The following PKD2 variants were observed in gnomAD, a reference collection of about 807,000 sequenced individuals.
PKD2 encodes polycystin-2.
PKD2 carries 48 observed loss-of-function variants against 105.9 expected under a neutral mutation model. That is an observed-to-expected ratio of 0.45 (90% CI 0.36 to 0.58). The LOEUF is 0.58. Among genes scored for constraint, PKD2 ranks in the 20% least tolerant of loss-of-function variants. The pLI is 0.00. For synonymous variants in PKD2, 464 were observed against 481.1 expected, an observed-to-expected ratio of 0.96 and a Z score of 0.46; for missense variants, 1,078 against 1,255.3, an observed-to-expected ratio of 0.86 and a Z score of 2.13.
chr4:88,061,979 T>C lies in PKD2; in HGVS notation c.2093T>C (p.Met698Thr), dbSNP rs1180777504. ...GACTTGGCACAGCAGAAAGCTGAAATGGAACTCTCAGATCTTATCAGAAAG... is the reference window on the plus strand; with the variant it reads ...GACTTGGCACAGCAGAAAGCTGAAACGGAACTCTCAGATCTTATCAGAAAG... ...KSDLAQQKAEMELSDLIRKGY... is the reference protein window; with the variant it reads ...KSDLAQQKAETELSDLIRKGY... Residue 698 changes from methionine to threonine, a missense_variant, in exon 10 of 15, where the codon ATG (methionine) becomes ACG (threonine). By Grantham distance (81) the Met-to-Thr change is moderately conservative. This residue lies in a region of PKD2 where 868 missense variants were observed against 1,067.3 expected (regional missense o/e 0.81). Transcript: ENST00000237596. 1 of 1,554,548 alleles carries C rather than the reference T, an allele frequency of 6.4e-7. No individual in the cohort carries two copies. The highest frequency in any genetic ancestry group is 8.9e-7 in the Non-Finnish European group (1 of 1,126,144).
intron 13 of PKD2, among the ~76,000 whole-genome samples, 163 bp from the exon 14 acceptor site, chr4:88,074,649 C>T (rs1056231695): frequency 9.9e-5 from 15 of 152,146 alleles, no homozygotes; most frequent in Admixed American, 3.3e-4. Context: ...CTCCTACCAG[C>T]GGCATCCGAG....
chr4:88,057,686 G>A (rs920847690), intron 8 of PKD2, among the ~76,000 whole-genome samples: 2 of 151,786 alleles, frequency 1.3e-5, no homozygotes, highest in African/African-American at 2.4e-5. Flanking sequence ...CGCCCGCCTC[G>A]GCCTCCCAAA....
intron 2 of PKD2, among the ~76,000 whole-genome samples, chr4:88,028,143 G>A (rs1727022939): frequency 6.6e-6 from 1 of 152,174 alleles, no homozygotes; most frequent in Non-Finnish European, 1.5e-5. Flanking sequence ...AGAGATCTAT[G>A]TATTTCCATT....
chr4:88,053,883 T>C (rs1407996783), intron 7 of PKD2, among the ~76,000 whole-genome samples: 1 of 152,146 alleles, frequency 6.6e-6, no homozygotes, highest in African/African-American at 2.4e-5. Flanking sequence ...TGTATAGGCA[T>C]GGAACACTTA....
intron 6 of PKD2, among the ~76,000 whole-genome samples, chr4:88,051,088 G>A (rs1720079139): frequency 6.6e-6 from 1 of 152,194 alleles, no homozygotes; most frequent in African/African-American, 2.4e-5. Context: ...TACATTTAGT[G>A]GTGATGGATG....
In PKD2 at chr4:88,075,710, A is replaced by G. The variant is rs1381362798; in HGVS notation, c.*16A>G. The G allele has an allele frequency of 1.3e-6, 2 of 1,568,026 alleles. No individual in the cohort carries two copies. Among genetic ancestry groups the G allele is most frequent in the East Asian group, 2.2e-5 (1 of 44,652 alleles). On this transcript the variant is annotated 3_prime_UTR_variant, in exon 15 of 15. Transcript: ENST00000237596. ...CCACGTATGATATGTGTGTTTCAGTATGTGTGTTTCTAATAAGTGAGGAAG... is the reference window on the plus strand; with the variant it reads ...CCACGTATGATATGTGTGTTTCAGTGTGTGTGTTTCTAATAAGTGAGGAAG...
chr4:88,040,158 T>C (rs1016538108), intron 4 of PKD2, among the ~76,000 whole-genome samples: 1 of 152,182 alleles, frequency 6.6e-6, no homozygotes, highest in Non-Finnish European at 1.5e-5. Flanking sequence ...TTGCCCAAAG[T>C]GTCACAGCTA....
At chr4:88,046,144 G>A (rs984331285) in intron 5 of PKD2, among the ~76,000 whole-genome samples, 6 of 151,838 alleles carry the variant, frequency 4.0e-5, no homozygotes, top group African/African-American at 1.2e-4. Flanking sequence ...AAAAAAATTA[G>A]TTGGGCATGG....
chr4:88,058,358 T>G (rs937042619), intron 9 of PKD2, among the ~76,000 whole-genome samples: 11 of 152,306 alleles, frequency 7.2e-5, no homozygotes, highest in Non-Finnish European at 1.2e-4. Context: ...ATCTCTTCCA[T>G]GGTCTTTCAT....
rs754790738 is a variant in PKD2 at position 88,075,684 on chromosome 4, T to G, written c.2897T>G (p.Val966Gly). 1 of 1,608,222 alleles carries G rather than the reference T, an allele frequency of 6.2e-7. No homozygotes were observed. The highest frequency in any genetic ancestry group is 8.5e-7 in the Non-Finnish European group (1 of 1,174,746). Reference protein sequence around the residue: ...EGAGGNGSSNVHV With the variant: ...EGAGGNGSSNGHV ...GCAGGTGGAAATGGGAGTTCTAATG[T>G]CCACGTATGATATGTGTGTTTCAGT... Residue 966 changes from valine to glycine, a missense_variant, in exon 15 of 15, where the codon GTC (valine) becomes GGC (glycine). Around this residue, in one of 2 missense-constraint regions of PKD2, gnomAD observed 868 missense variants for 1,067.3 expected, o/e 0.81. Coordinates refer to ENST00000237596, the MANE Select transcript of PKD2 (RefSeq NM_000297.4).
chr4:88,066,330 GT>G (rs1720793982), intron 12 of PKD2, among the ~76,000 whole-genome samples: 1 of 150,654 alleles, frequency 6.6e-6, no homozygotes, highest in Non-Finnish European at 1.5e-5. Context: ...ATTCTGGTTA[GT>G]TAGTGGCTAT....
chr4:88,062,151 C>T, intron 10 of PKD2, 147 bp downstream of exon 10: 2 of 600,388 alleles, frequency 3.3e-6, no homozygotes, highest in Non-Finnish European at 6.2e-6. Context: ...TTTAAATGTT[C>T]CCTATCTTGG....
chr4:88,046,905 A>G (rs376559147), intron 6 of PKD2, 35 bp downstream of exon 6: 15 of 1,198,054 alleles, frequency 1.3e-5, no homozygotes, highest in South Asian at 8.5e-5. Flanking sequence ...TTCCTATTCT[A>G]TTCTACAAGC....
At chr4:88,013,807 G>T (rs1311705307) in intron 1 of PKD2, among the ~76,000 whole-genome samples, 5 of 151,946 alleles carry the variant, frequency 3.3e-5, no homozygotes, top group African/African-American at 1.2e-4. Flanking sequence ...AATGAGAGGG[G>T]AATACAAGGA....
At chr4:88,030,965 A>G (rs1183320456) in intron 2 of PKD2, among the ~76,000 whole-genome samples, 1 of 152,240 alleles carries the variant, frequency 6.6e-6, no homozygotes, top group Non-Finnish European at 1.5e-5. Context: ...GCATTTATAT[A>G]CTGATGGTCC....
At chr4:88,017,014 T>A (rs1288673113) in intron 1 of PKD2, among the ~76,000 whole-genome samples, 2 of 149,936 alleles carry the variant, frequency 1.3e-5, no homozygotes, top group Non-Finnish European at 3.0e-5. Context: ...AATATATGGA[T>A]GTATATCATA....
At chr4:88,070,609 GAGAGAGAGAGAGAGAGAGAA>G (rs1720992577) in intron 13 of PKD2, among the ~76,000 whole-genome samples, 1 of 141,988 alleles carries the variant, frequency 7.0e-6, no homozygotes, top group Non-Finnish European at 1.6e-5. Context: ...TATAGAGAGA[GAGAGAGAGAGAGAGAGAGAA>G]AGAGAGAGAG....
At chr4:88,014,627 A>G (rs940926152) in intron 1 of PKD2, among the ~76,000 whole-genome samples, 1 of 152,226 alleles carries the variant, frequency 6.6e-6, no homozygotes, top group Non-Finnish European at 1.5e-5. Flanking sequence ...AATACTAGGA[A>G]GGATTGTGTT....
At chr4:88,050,495 CT>C (rs1419042317) in intron 6 of PKD2, among the ~76,000 whole-genome samples, 1 of 152,176 alleles carries the variant, frequency 6.6e-6, no homozygotes, top group African/African-American at 2.4e-5. Flanking sequence ...CTTTCCTCAT[CT>C]TTCATTCCCT....
Sources: allele counts gnomAD v4.1 joint callset (sites outside exome capture counted in the v4.1 genomes callset), GRCh38; gene constraint gnomAD v4.1.1; regional missense constraint gnomAD v4.1.1; transcripts MANE v1.5; gene names NCBI Gene and HGNC (gene_info 2026-07-23, HGNC 2026-07-21).